SIAH1: variants seen among roughly 807,000 people sequenced by gnomAD.
SIAH1 encodes siah E3 ubiquitin protein ligase 1.
In SIAH1, 2 loss-of-function variants were observed where a neutral mutation model predicts 20.0. That is an observed-to-expected ratio of 0.10 (90% confidence interval 0.04 to 0.31). The LOEUF is 0.31. SIAH1 is among the 10% of genes least tolerant of loss of function. The pLI, the probability that SIAH1 is intolerant of heterozygous loss-of-function variation, is 1.00. For synonymous variants in SIAH1, 118 were observed against 125.3 expected (o/e 0.94, Z 0.39); for missense variants, 119 against 355.3 (o/e 0.33, Z 5.35).
chr16:48,366,938 ACT>A (rs1490484254), intron 1 of SIAH1, among the ~76,000 whole-genome samples: 1 of 151,956 alleles, frequency 6.6e-6, no homozygotes, highest in Non-Finnish European at 1.5e-5. Flanking sequence ...ACAGGGTCTC[ACT>A]CTGTTGCCCA....
chr16:48,373,749 C>T (rs978500212), intron 1 of SIAH1, among the ~76,000 whole-genome samples: 3 of 152,170 alleles, frequency 2.0e-5, no homozygotes, highest in Admixed American at 1.3e-4. Flanking sequence ...CCGCTGGCTA[C>T]CCATGTTAGA....
rs199692845 is a variant in SIAH1, at chr16:48,361,488, C to T, written c.*92G>A. 7 of 1,327,018 alleles carry T rather than the reference C, an allele frequency of 5.3e-6. No homozygotes were observed. In the East Asian group the frequency reaches 1.6e-4, roughly 31 times the overall value. 82.2% of individuals were successfully genotyped at this position (1,327,018 alleles called of 1,614,324 possible). A position where few individuals can be genotyped will look rare whatever the true frequency, so the allele number is the denominator to read the frequency against. ...CTTCATGTGTCTAGCTTCCACCTAC[C>T]GAAAGAGTTTTAGGTTGGCAGACAG... is the stretch of plus-strand genomic sequence containing the variant. On this transcript the variant is annotated 3_prime_UTR_variant, in exon 2 of 2. Coordinates refer to ENST00000394725, the MANE Select transcript of SIAH1 (RefSeq NM_003031.4).
upstream of SIAH1, among the ~76,000 whole-genome samples, chr16:48,386,288 C>G (rs1338369818): frequency 2.0e-5 from 3 of 152,286 alleles, no homozygotes; most frequent in South Asian, 2.1e-4. Context: ...CGATGGATTA[C>G]CTGAGGTCAG....
chr16:48,362,580 A>G lies in SIAH1; in HGVS notation c.-2-150T>C. The stretch of plus-strand genomic sequence containing the variant: ...GAAAAATAGGATTAAAAAAGATATT[A>G]AAAAAATAAAATTACACTGAATGTG... On this transcript the variant is annotated intron_variant, in intron 1 of 1. Coordinates refer to ENST00000394725, the MANE Select transcript of SIAH1 (RefSeq NM_003031.4). The surrounding 1 kb of genome is among the most constrained non-coding windows in gnomAD (Gnocchi z 4.2). 1 of 751,996 alleles carries G rather than the reference A, an allele frequency of 1.3e-6. No homozygotes were observed. The allele number at this position is 751,996 out of a possible 1,614,324, so 46.6% of individuals were successfully genotyped here.
intron 1 of SIAH1, among the ~76,000 whole-genome samples, chr16:48,382,989 G>C (rs566067605): frequency 7.4e-4 from 113 of 152,246 alleles, no homozygotes; most frequent in African/African-American, 2.6e-3. Context: ...ACCTAATCAT[G>C]CTTTTTAATT....
At chr16:48,368,150 A>C (rs1406742856) in intron 1 of SIAH1, among the ~76,000 whole-genome samples, 1 of 152,206 alleles carries the variant, frequency 6.6e-6, no homozygotes, top group Non-Finnish European at 1.5e-5. Flanking sequence ...TATGGAAAAA[A>C]ATCATAATAT....
intron 1 of SIAH1, among the ~76,000 whole-genome samples, chr16:48,375,873 G>A (rs1597029946): frequency 6.6e-6 from 1 of 152,220 alleles, no homozygotes; most frequent in Non-Finnish European, 1.5e-5. Flanking sequence ...TGCAGGATCA[G>A]ACAAAGGGAG....
chr16:48,365,776 C>G, intron 1 of SIAH1: 1 of 1,342,288 alleles, frequency 7.4e-7, no homozygotes, highest in Admixed American at 3.2e-5. Flanking sequence ...TTTGTTTTCT[C>G]CAGATTCACT....
At chr16:48,366,889 C>A (rs1398344757) in intron 1 of SIAH1, among the ~76,000 whole-genome samples, 1 of 152,192 alleles carries the variant, frequency 6.6e-6, no homozygotes, top group African/African-American at 2.4e-5. Context: ...AAAATAGACA[C>A]AGTCAGCCCC....
Position 48,365,985 on chromosome 16 carries a change from G to A in SIAH1, c.-2-3555C>T, listed in dbSNP as rs1960823102. The A allele has an allele frequency of 3.9e-6, 4 of 1,013,930 alleles. No homozygotes were observed. The South Asian group carries it at 1.5e-4, about 38-fold the overall frequency. The allele number at this position is 1,013,930 out of a possible 1,614,324, so 62.8% of individuals were successfully genotyped here. A position where few individuals can be genotyped will look rare whatever the true frequency, so the allele number is the denominator to read the frequency against. ...AACCCGGGGCGCCAGGGCCAGTTCA[G>A]GGCGCGCGGCGCACAGGGCGATGCC... On this transcript the variant is annotated intron_variant, in intron 1 of 1. Coordinates refer to ENST00000394725, the MANE Select transcript of SIAH1 (RefSeq NM_003031.4).
At chr16:48,387,031 A>C (rs1597038826), upstream of SIAH1, 1 of 152,342 alleles carries the variant, frequency 6.6e-6, no homozygotes, top group East Asian at 1.9e-4. Context: ...TCTCTGGCCC[A>C]CTGCTGACAG....
intron 1 of SIAH1, among the ~76,000 whole-genome samples, chr16:48,377,262 A>C (rs889297841): frequency 5.3e-5 from 8 of 152,208 alleles, no homozygotes; most frequent in African/African-American, 1.9e-4. Context: ...AAAACCAAAA[A>C]CAAAACAAAA....
Position 48,385,379 on chromosome 16 carries a change from T to A in SIAH1, c.-178A>T, listed in dbSNP as rs1278881154. 1 of 146,082 alleles carries A rather than the reference T, an allele frequency of 6.8e-6. No homozygotes were observed. Among genetic ancestry groups the A allele is most frequent in the Non-Finnish European group, 1.4e-5 (1 of 69,664 alleles). 9.0% of individuals were successfully genotyped at this position (146,082 alleles called of 1,614,324 possible). Reference sequence around the variant, plus strand: ...CGCAACGGCCGCCCCGGCTCCCCCCTGGCCGCCGCCGCCGCCGCCGTTTCG... The same window carrying A: ...CGCAACGGCCGCCCCGGCTCCCCCCAGGCCGCCGCCGCCGCCGCCGTTTCG... On this transcript the variant is annotated 5_prime_UTR_variant, in exon 1 of 2. Transcript: ENST00000394725.
intron 1 of SIAH1, among the ~76,000 whole-genome samples, chr16:48,368,558 C>A (rs1239573837): frequency 6.6e-6 from 1 of 152,088 alleles, no homozygotes; most frequent in African/African-American, 2.4e-5. Context: ...ATTAGCCGGG[C>A]ATGGTGGCGT....
chr16:48,363,036 G>C (rs1440853557), intron 1 of SIAH1: 1 of 166,746 alleles, frequency 6.0e-6, no homozygotes, highest in African/African-American at 2.4e-5. Flanking sequence ...GTAATCCAGA[G>C]ATCACTTAAA....
chr16:48,386,505 T>C (rs1476560424), upstream of SIAH1, among the ~76,000 whole-genome samples: 2 of 152,038 alleles, frequency 1.3e-5, no homozygotes, highest in South Asian at 2.1e-4. Context: ...AGACTCTGTC[T>C]CAAAAAAATA....
At chr16:48,375,264 T>C (rs1961079403) in intron 1 of SIAH1, among the ~76,000 whole-genome samples, 1 of 152,204 alleles carries the variant, frequency 6.6e-6, no homozygotes, top group Non-Finnish European at 1.5e-5. Flanking sequence ...CACAACAGAA[T>C]ACTGTGTGCT....
chr16:48,371,478 TC>T (rs1404250518), intron 1 of SIAH1, among the ~76,000 whole-genome samples: 6 of 152,248 alleles, frequency 3.9e-5, no homozygotes, highest in African/African-American at 1.4e-4. Context: ...ACCTTTACTT[TC>T]CATCAAAGTG....
At chr16:48,385,792 C>G (rs1355250480), upstream of SIAH1, among the ~76,000 whole-genome samples, 3 of 152,006 alleles carry the variant, frequency 2.0e-5, no homozygotes, top group Non-Finnish European at 2.9e-5. Context: ...GATGCGAGCC[C>G]CAGGCTGGCC....
Sources: allele counts gnomAD v4.1 joint callset (sites outside exome capture counted in the v4.1 genomes callset), GRCh38; gene constraint gnomAD v4.1.1; non-coding constraint Gnocchi (gnomAD v3.1); transcripts MANE v1.5; gene names NCBI Gene and HGNC (gene_info 2026-07-23, HGNC 2026-07-21).